Variants in HKDC1 observed in about 807,000 individuals in gnomAD.
HKDC1 encodes the protein hexokinase domain containing 1.
Under a neutral mutation model 96.6 loss-of-function variants are expected in HKDC1, and 66 were observed. That is an observed-to-expected ratio of 0.68 (90% CI 0.56 to 0.84). The LOEUF (loss-of-function observed/expected upper bound fraction) is 0.84, where lower values mean the gene tolerates loss of function less well. Ranked by LOEUF, HKDC1 falls within the 40% of genes least tolerant of loss-of-function variation. The pLI is 0.00. For missense variants in HKDC1, 1,211 were observed against 1,208.1 expected (o/e 1.00, Z -0.04); for synonymous variants, 466 against 473.1 (o/e 0.98, Z 0.20).
intron 11 of HKDC1, 49 bp downstream of exon 11, chr10:69,250,484 C>G: frequency 1.9e-6 from 3 of 1,612,936 alleles, no homozygotes; most frequent in South Asian, 1.1e-5. Flanking sequence ...GCCTGCCACC[C>G]TGCATCGATG....
chr10:69,237,256 C>A (rs1372928495), intron 4 of HKDC1, among the ~76,000 whole-genome samples: 6 of 149,112 alleles, frequency 4.0e-5, no homozygotes, highest in African/African-American at 1.5e-4. Context: ...AACAGAAAGT[C>A]TTAACCAAAG....
chr10:69,265,174 A>T (rs1410083368), intron 16 of HKDC1, among the ~76,000 whole-genome samples: 4 of 152,076 alleles, frequency 2.6e-5, no homozygotes, highest in African/African-American at 9.7e-5. Context: ...AGCTGGCACG[A>T]TTTGTGGGAA....
At chr10:69,262,623 A>G (rs780102036) in intron 16 of HKDC1, among the ~76,000 whole-genome samples, 10 of 152,264 alleles carry the variant, frequency 6.6e-5, no homozygotes, top group Non-Finnish European at 1.5e-4. Flanking sequence ...AAAAAGAAAC[A>G]CATTATACAT....
rs923426250 is a variant in HKDC1, at chr10:69,266,850, G to A, written c.*93G>A. ...TCAGAGACCAATGGGCACCCTCCTGGCTGACCTCACCTTCTGGATGGCCGA... is the reference window on the plus strand; with the variant it reads ...TCAGAGACCAATGGGCACCCTCCTGACTGACCTCACCTTCTGGATGGCCGA... On this transcript the variant is annotated 3_prime_UTR_variant, in exon 18 of 18. Transcript: ENST00000354624. 8.4e-6 allele frequency: 11 copies of A among 1,316,718 alleles called. No homozygotes were observed. The highest frequency in any genetic ancestry group is 1.1e-5 in the Non-Finnish European group (11 of 960,784). 81.6% of individuals were successfully genotyped at this position (1,316,718 alleles called of 1,614,324 possible).
At chr10:69,256,992 C>G in intron 12 of HKDC1, 44 bp from the exon 13 acceptor site, 1 of 1,470,528 alleles carries the variant, frequency 6.8e-7, no homozygotes, top group East Asian at 2.3e-5. Context: ...TGCAGTGGCC[C>G]TAGCAAACTA....
chr10:69,263,470 A>G (rs985467033), intron 16 of HKDC1, among the ~76,000 whole-genome samples: 4 of 152,154 alleles, frequency 2.6e-5, no homozygotes, highest in Non-Finnish European at 5.9e-5. Flanking sequence ...GGGAATTGGT[A>G]GGTGCTGTGC....
rs1344951658 is a variant in HKDC1, at chr10:69,261,253, C to T, written c.2331C>T (p.Thr777=). The T allele has an allele frequency of 2.5e-6, 4 of 1,614,050 alleles. No individual in the cohort carries two copies. Among genetic ancestry groups the T allele is most frequent in the Non-Finnish European group, 3.4e-6 (4 of 1,180,030 alleles). The change falls in exon 16 of 18, where the codon ACC becomes ACT. Residue 777 remains threonine (T), a synonymous_variant. Transcript: ENST00000354624. ...GGCAGATTTCAGAGCGTCTCCGGACCAGGGGCATCTTCGAAACCAAGTTCC... is the reference window on the plus strand; with the variant it reads ...GGCAGATTTCAGAGCGTCTCCGGACTAGGGGCATCTTCGAAACCAAGTTCC... ...FRGQISERLR[T]RGIFETKFLS... is the part of the protein sequence containing the mutation.
rs770214158 is a variant in HKDC1, at chr10:69,243,286, G to C, written c.796G>C (p.Asp266His). The change falls in exon 7 of 18, where the codon GAC (aspartate) becomes CAC (histidine). Residue 266 changes from aspartate to histidine, a missense_variant. Transcript: ENST00000354624. Reference protein sequence around the residue: ...CINTEWGAFGDDGALEDIRTE... With the variant: ...CINTEWGAFGHDGALEDIRTE... ...CAACACAGAGTGGGGGGCCTTCGGG[G>C]ACGACGGGGCCCTGGAGGACATTCG... 1 of 1,614,068 alleles carries C rather than the reference G, an allele frequency of 6.2e-7. No homozygotes were observed. The highest frequency in any genetic ancestry group is 8.5e-7 in the Non-Finnish European group (1 of 1,179,948).
Position 69,243,311 on chromosome 10 carries a change from G to T in HKDC1, c.821G>T (p.Arg274Leu), listed in dbSNP as rs779545610. 5 of 1,612,784 alleles carry T rather than the reference G, an allele frequency of 3.1e-6. No individual in the cohort carries two copies. Among genetic ancestry groups the T allele is most frequent in the African/African-American group, 1.3e-5 (1 of 74,998 alleles). The change falls in exon 7 of 18, where the codon CGC (arginine) becomes CTC (leucine). Residue 274 changes from arginine (R) to leucine (L), a missense_variant. Transcript: ENST00000354624. ...FGDDGALEDI[R>L]TEFDRELDLG... ...GACGACGGGGCCCTGGAGGACATTC[G>T]CACTGAGTTCGACAGGGAGCTGGAC...
At chr10:69,247,662 G>A (rs1041264055) in intron 9 of HKDC1, 69 bp downstream of exon 9, 3 of 1,259,650 alleles carry the variant, frequency 2.4e-6, no homozygotes, top group Non-Finnish European at 3.4e-6. Flanking sequence ...GTGTCTTCTG[G>A]ACTATCCTGC....
chr10:69,239,023 AC>A lies in HKDC1; in HGVS notation c.496-17del, dbSNP rs1287312424. 6.3e-7 allele frequency: 1 copy of A among 1,586,194 alleles called. No homozygotes were observed. The highest frequency in any genetic ancestry group is 8.7e-7 in the Non-Finnish European group (1 of 1,156,026). On this transcript the variant is annotated intron_variant, in intron 4 of 17. Transcript: ENST00000354624. ...TCAGCACGTCTTTCATTCAAACTGG[AC>A]CTGAAATCTTCTCCCAGGGTGTCCT...
chr10:69,263,816 T>G (rs529551211), intron 16 of HKDC1, among the ~76,000 whole-genome samples: 1 of 152,312 alleles, frequency 6.6e-6, no homozygotes, highest in Non-Finnish European at 1.5e-5. Context: ...CCTCTTTTTC[T>G]TACTATACAA....
chr10:69,266,605 C>A lies in HKDC1; in HGVS notation c.2607-5C>A. 6.2e-7 allele frequency: 1 copy of A among 1,612,100 alleles called. No homozygotes were observed. The highest frequency in any genetic ancestry group is 1.1e-5 in the South Asian group (1 of 90,740). On this transcript the variant is annotated splice_polypyrimidine_tract_variant and splice_region_variant and intron_variant, in intron 17 of 17. Transcript: ENST00000354624. ...GCTGATGATGTTTCTTTCTCTTTTT[C>A]ATAGCTTTTCTAGAATATTGCAGGA... is the stretch of plus-strand genomic sequence containing the variant.
chr10:69,237,609 G>A (rs12246517), intron 4 of HKDC1, among the ~76,000 whole-genome samples: 17,586 of 152,112 alleles, frequency 0.12, 2,186 homozygotes, highest in African/African-American at 0.32. Flanking sequence ...ACATTCTATC[G>A]CAAGCATTTA....
At chr10:69,264,960 G>A (rs574409569) in intron 16 of HKDC1, among the ~76,000 whole-genome samples, 1 of 151,830 alleles carries the variant, frequency 6.6e-6, no homozygotes, top group Non-Finnish European at 1.5e-5. Context: ...GTCCTATCAG[G>A]TTCCCCTTCT....
Position 69,243,309 on chromosome 10 carries a change from T to C in HKDC1, c.819T>C (p.Ile273=), listed in dbSNP as rs1392243842. The C allele has an allele frequency of 6.2e-7, 1 of 1,613,062 alleles. No individual in the cohort carries two copies. Among genetic ancestry groups the C allele is most frequent in the Non-Finnish European group, 8.5e-7 (1 of 1,179,486 alleles). The change falls in exon 7 of 18, where the codon ATT becomes ATC. Residue 273 remains isoleucine, a synonymous_variant. Transcript: ENST00000354624. ...GGGACGACGGGGCCCTGGAGGACAT[T>C]CGCACTGAGTTCGACAGGGAGCTGG... ...AFGDDGALED[I]RTEFDRELDL... is the part of the protein sequence containing the mutation.
Position 69,265,635 on chromosome 10 carries a change from T to A in HKDC1, c.2423T>A (p.Leu808Gln). Residue 808 changes from leucine to glutamine, a missense_variant, in exon 17 of 18, where the codon CTG becomes CAG. Physicochemically the swap from Leu to Gln is moderately radical, Grantham distance 113 (BLOSUM62 -2). Transcript: ENST00000354624. ...QVRRILQQLGLDSTCEDSIVV... is the reference protein window; with the variant it reads ...QVRRILQQLGQDSTCEDSIVV... ...AGGAGGATTCTGCAGCAGCTGGGCC[T>A]GGACAGCACGTGTGAGGACAGCATC... 1 of 1,613,946 alleles carries A rather than the reference T, an allele frequency of 6.2e-7. No homozygotes were observed. Among genetic ancestry groups the A allele is most frequent in the Non-Finnish European group, 8.5e-7 (1 of 1,179,948 alleles).
intron 9 of HKDC1, 56 bp downstream of exon 9, chr10:69,247,649 C>G (rs1843563907): frequency 7.1e-7 from 1 of 1,403,914 alleles, no homozygotes; most frequent in East Asian, 2.4e-5. Context: ...GAGCAGGGCC[C>G]CAGTGTCTTC....
chr10:69,226,651 T>C (rs916569548), intron 1 of HKDC1, among the ~76,000 whole-genome samples: 1 of 118,720 alleles, frequency 8.4e-6, no homozygotes. Flanking sequence ...TGAGACTCTG[T>C]CTTAAAAAAA....
Sources: gnomAD v4.1 joint callset for allele counts (sites outside exome capture counted in the v4.1 genomes callset) on GRCh38, gnomAD v4.1.1 for gene constraint, MANE v1.5 for transcripts, NCBI Gene and HGNC (gene_info 2026-07-23, HGNC 2026-07-21) for gene names.